Variants in ARRB1 observed in about 807,000 individuals in gnomAD.
ARRB1 encodes the protein beta-arrestin-1.
Under a neutral mutation model 56.8 loss-of-function variants are expected in ARRB1, and 21 were observed. That is an observed-to-expected ratio of 0.37 (90% CI 0.26 to 0.53). The LOEUF is 0.53. Among genes scored for constraint, ARRB1 ranks in the 20% least tolerant of loss-of-function variants. The pLI is 0.88. For missense variants in ARRB1, 424 were observed against 553.7 expected (o/e 0.77, Z 2.35); for synonymous variants, 210 against 218.6 (o/e 0.96, Z 0.35).
At chr11:75,350,490 G>A (rs892495444) in intron 1 of ARRB1, among the ~76,000 whole-genome samples, 2 of 152,178 alleles carry the variant, frequency 1.3e-5, no homozygotes, top group Admixed American at 6.5e-5. Context: ...GGAGGGCAAC[G>A]GGGAAAATAG....
intron 7 of ARRB1, among the ~76,000 whole-genome samples, 183 bp from the exon 8 acceptor site, chr11:75,278,927 CT>C (rs1322205481): frequency 3.9e-5 from 6 of 152,236 alleles, no homozygotes; most frequent in African/African-American, 1.4e-4. Flanking sequence ...CCATCCTCCC[CT>C]GTTCTGTCCC....
At chr11:75,347,977 C>T (rs940300042) in intron 1 of ARRB1, among the ~76,000 whole-genome samples, 2 of 152,174 alleles carry the variant, frequency 1.3e-5, no homozygotes, top group South Asian at 2.1e-4. Flanking sequence ...TGCTTCTAGG[C>T]CTGCTCTTCC....
intron 5 of ARRB1, among the ~76,000 whole-genome samples, chr11:75,282,567 C>T (rs752259102): frequency 6.6e-5 from 10 of 152,182 alleles, no homozygotes; most frequent in East Asian, 1.9e-4. Context: ...AAAAGGTGGA[C>T]GCTCCCCGAG....
Position 75,284,451 on chromosome 11 carries a change from A to G in ARRB1, c.113-172T>C, listed in dbSNP as rs758979841. On this transcript the variant is annotated intron_variant, in intron 3 of 15. Coordinates refer to ENST00000420843, the MANE Select transcript of ARRB1 (RefSeq NM_004041.5). ...GCACTGCCCACCTCCACCACGCTCC[A>G]CCCTTCCCCCATCCCAGGCCAGTAT... is the stretch of plus-strand genomic sequence containing the variant. 1.0e-3 allele frequency: 545 copies of G among 536,516 alleles called. 1 individual carries two copies. The highest frequency in any genetic ancestry group is 5.8e-4 in the Non-Finnish European group (179 of 309,564). 33.2% of individuals were successfully genotyped at this position (536,516 alleles called of 1,614,324 possible).
chr11:75,321,155 G>C (rs1947343897), intron 1 of ARRB1, among the ~76,000 whole-genome samples: 1 of 152,136 alleles, frequency 6.6e-6, no homozygotes. Context: ...AGAGGCACAA[G>C]GTAAAGTTTA....
chr11:75,307,597 G>A (rs553420644), intron 1 of ARRB1, among the ~76,000 whole-genome samples: 1 of 152,238 alleles, frequency 6.6e-6, no homozygotes, highest in Non-Finnish European at 1.5e-5. Context: ...CTCCCAGAGG[G>A]CACGATCCCC....
At position 75,288,192 on chromosome 11, in the gene ARRB1, A is replaced by C. The variant is rs144911250; in HGVS notation, c.52-817T>G. Among the ~76,000 whole-genome samples, 21 of 152,340 alleles carry C rather than the reference A, an allele frequency of 1.4e-4. No homozygotes were observed. The East Asian group carries it at 4.1e-3, about 29-fold the overall frequency. On this transcript the variant is annotated intron_variant, in intron 2 of 15. Transcript: ENST00000420843. ...TAATTTTTTAAATTGAGTTAAAAGT[A>C]TATGTTATTTATCATGTACAACACA...
intron 3 of ARRB1, among the ~76,000 whole-genome samples, chr11:75,286,261 T>C (rs1946471911): frequency 8.3e-6 from 1 of 120,802 alleles, no homozygotes; most frequent in Non-Finnish European, 1.7e-5. Flanking sequence ...TCATCTTTTT[T>C]TTTTTTTTTT....
At chr11:75,311,669 A>G (rs1394549821) in intron 1 of ARRB1, among the ~76,000 whole-genome samples, 1 of 152,212 alleles carries the variant, frequency 6.6e-6, no homozygotes, top group Non-Finnish European at 1.5e-5. Context: ...TGCCACACAC[A>G]GGCAAACAAA....
rs901400872 is a variant in ARRB1 at position 75,277,459 on chromosome 11, T to C, written c.619-11A>G. 12 of 1,613,322 alleles carry C rather than the reference T, an allele frequency of 7.4e-6. No homozygotes were observed. Among genetic ancestry groups the C allele is most frequent in the Non-Finnish European group, 9.3e-6 (11 of 1,179,366 alleles). ...TCCATGGTAATAGATCTGGGGGGCA[T>C]AAGAAGGGACGGGGTTGGCTGGGAG... On this transcript the variant is annotated splice_polypyrimidine_tract_variant and intron_variant, in intron 8 of 15. Transcript: ENST00000420843.
chr11:75,266,211 C>T lies in ARRB1; in HGVS notation c.1209G>A (p.Lys403=). 1 of 1,614,242 alleles carries T rather than the reference C, an allele frequency of 6.2e-7. No individual in the cohort carries two copies. The change falls in exon 16 of 16, where the codon AAG becomes AAA. Residue 403 remains lysine, a synonymous_variant. Transcript: ENST00000420843. The stretch of plus-strand genomic sequence containing the variant: ...AGCCGGTACCATCCTCCTCTTCCTC[C>T]TTGTCATCCTTCATGCCTTTCAGTC... ...RQRLKGMKDD[K]EEEEDGTGSP... is the part of the protein sequence containing the mutation.
intron 1 of ARRB1, among the ~76,000 whole-genome samples, chr11:75,318,059 G>A (rs1442372678): frequency 6.6e-6 from 1 of 151,922 alleles, no homozygotes; most frequent in Admixed American, 6.6e-5. Context: ...ATCACTGGAA[G>A]GGCTTGTTAA....
At chr11:75,330,372 A>G (rs1947503028) in intron 1 of ARRB1, among the ~76,000 whole-genome samples, 1 of 150,410 alleles carries the variant, frequency 6.6e-6, no homozygotes, top group Admixed American at 6.6e-5. Flanking sequence ...ACCCCACCCC[A>G]TAACACCCCA....
Position 75,332,395 on chromosome 11 carries a change from A to G in ARRB1, c.20+19193T>C, listed in dbSNP as rs566397929. Among the ~76,000 whole-genome samples, 12 of 152,310 alleles carry G rather than the reference A, an allele frequency of 7.9e-5. No individual in the cohort carries two copies. The South Asian group carries it at 2.5e-3, about 32-fold the overall frequency. ...GATCTTTTTCTTCGAGGCCCTCCCA[A>G]TCCTGATGAGAATGACTAAAAGTCT... On this transcript the variant is annotated intron_variant, in intron 1 of 15. Coordinates refer to ENST00000420843, the MANE Select transcript of ARRB1 (RefSeq NM_004041.5).
intron 1 of ARRB1, among the ~76,000 whole-genome samples, chr11:75,343,032 T>A (rs1947714364): frequency 6.6e-6 from 1 of 152,108 alleles, no homozygotes; most frequent in Admixed American, 6.6e-5. Context: ...CTAGAGTATC[T>A]CCTCCCAGCG....
chr11:75,335,888 A>T (rs1262473487), intron 1 of ARRB1, among the ~76,000 whole-genome samples: 1 of 152,186 alleles, frequency 6.6e-6, no homozygotes, highest in Non-Finnish European at 1.5e-5. Context: ...GGCAAGCTTT[A>T]TTGTCCCCCT....
intron 1 of ARRB1, among the ~76,000 whole-genome samples, chr11:75,320,952 G>A (rs955091394): frequency 1.1e-4 from 17 of 151,870 alleles, no homozygotes; most frequent in Admixed American, 1.1e-3. Context: ...CATGGGAGCT[G>A]AGCAATAGGG....
Position 75,260,844 on chromosome 11 carries a change from T to C in ARRB1, c.*5319A>G, listed in dbSNP as rs947859448. 2.0e-5 allele frequency: 3 copies of C among 152,156 alleles called. No individual in the cohort carries two copies. The highest frequency in any genetic ancestry group is 6.5e-5 in the Admixed American group (1 of 15,272). The allele number at this position is 152,156 out of a possible 1,614,324, so 9.4% of individuals were successfully genotyped here. On this transcript the variant is annotated 3_prime_UTR_variant, in exon 16 of 16. Coordinates refer to ENST00000420843, the MANE Select transcript of ARRB1 (RefSeq NM_004041.5). ...CCTGCCCTCAAAGGAGGGACTTTTGTCATAAAATCCTCCCTGAGTCTGTCT... is the reference window on the plus strand; with the variant it reads ...CCTGCCCTCAAAGGAGGGACTTTTGCCATAAAATCCTCCCTGAGTCTGTCT...
intron 9 of ARRB1, 78 bp downstream of exon 9, chr11:75,277,286 G>C: frequency 1.4e-6 from 2 of 1,392,130 alleles, no homozygotes; most frequent in South Asian, 2.4e-5. Context: ...GTTAACAAGG[G>C]GAGATACTTC....
Sources: allele counts gnomAD v4.1 joint callset (sites outside exome capture counted in the v4.1 genomes callset), GRCh38; gene constraint gnomAD v4.1.1; transcripts MANE v1.5; gene names NCBI Gene and HGNC (gene_info 2026-07-23, HGNC 2026-07-21).